NIM1K: variants seen among roughly 807,000 people sequenced by gnomAD.
The protein encoded by NIM1K is NIM1 serine/threonine protein kinase.
In NIM1K, 35 loss-of-function variants were observed where a neutral mutation model predicts 37.1. That is an observed-to-expected ratio of 0.94 (90% CI 0.72 to 1.25). The LOEUF (loss-of-function observed/expected upper bound fraction) is 1.25, where lower values mean the gene tolerates loss of function less well. Ranked by LOEUF, NIM1K falls within the 50% of genes most tolerant of loss-of-function variation. The pLI is 0.00. For synonymous variants in NIM1K, 234 were observed against 206.6 expected (o/e 1.13, Z -1.14); for missense variants, 564 against 548.0 (o/e 1.03, Z -0.29).
At chr5:43,249,712 G>A (rs1044056973) in intron 2 of NIM1K, among the ~76,000 whole-genome samples, 1 of 152,200 alleles carries the variant, frequency 6.6e-6, no homozygotes, top group Non-Finnish European at 1.5e-5. Context: ...AGGGCATGAG[G>A]TCAGACCAGG....
At chr5:43,237,827 GT>G (rs1469310006) in intron 1 of NIM1K, among the ~76,000 whole-genome samples, 1 of 152,058 alleles carries the variant, frequency 6.6e-6, no homozygotes, top group Non-Finnish European at 1.5e-5. Context: ...AGAATTCAGA[GT>G]TTTTTCTCAC....
Position 43,280,522 on chromosome 5 carries a change from A to C in NIM1K, c.1104A>C (p.Glu368Asp), listed in dbSNP as rs747707827. ...KSTLEHLGIT[E>D]EHIRNNQGRD... ...CTTTAGAACATTTGGGCATTACAGA[A>C]GAGCATATTCGAAATAACCAAGGGA... The change falls in exon 4 of 4, where the codon GAA becomes GAC. Residue 368 changes from glutamate to aspartate, a missense_variant. By Grantham distance (45) the Glu-to-Asp change is conservative. Transcript: ENST00000326035. The C allele has an allele frequency of 6.2e-7, 1 of 1,614,228 alleles. No homozygotes were observed. Among genetic ancestry groups the C allele is most frequent in the South Asian group, 1.1e-5 (1 of 91,082 alleles).
chr5:43,200,600 A>G (rs1752003548), intron 1 of NIM1K, among the ~76,000 whole-genome samples: 1 of 152,108 alleles, frequency 6.6e-6, no homozygotes, highest in African/African-American at 2.4e-5. Context: ...GCGCCCGGCC[A>G]GTAGTAGTTA....
intron 2 of NIM1K, among the ~76,000 whole-genome samples, chr5:43,268,800 A>C (rs752360683): frequency 1.6e-4 from 25 of 152,132 alleles, no homozygotes; most frequent in Non-Finnish European, 1.6e-4. Flanking sequence ...TACAAACTAA[A>C]TGTCTCCCAA....
At position 43,213,925 on chromosome 5, in the gene NIM1K, A is replaced by G. The variant is rs903304868; in HGVS notation, c.-695+21514A>G. Among the ~76,000 whole-genome samples the G allele has an allele frequency of 1.2e-4, 14 of 118,262 alleles. No homozygotes were observed. The South Asian group carries it at 1.7e-3, about 14-fold the overall frequency. The allele number at this position is 118,262 out of a possible 152,430, so 77.6% of individuals were successfully genotyped here. On this transcript the variant is annotated intron_variant, in intron 1 of 3. Transcript: ENST00000326035. ...ATTACAGGCTGGAGCCACCATGCCT[A>G]GCTCTTTCTCTCTTTCTTTCTTTCT...
chr5:43,234,224 T>A (rs569720624), intron 1 of NIM1K, among the ~76,000 whole-genome samples: 45 of 144,776 alleles, frequency 3.1e-4, no homozygotes, highest in African/African-American at 1.1e-3. Context: ...TTTACAGAGT[T>A]GTCATGTCGT....
In NIM1K at chr5:43,232,371, G is replaced by A. The variant is rs145782169; in HGVS notation, c.-694-12711G>A. On this transcript the variant is annotated intron_variant, in intron 1 of 3. Transcript: ENST00000326035. ...GATGACAGGGCATATGTGTCCAGAC[G>A]GAAGTGGATGGGGGGATAGGCCACC... 2.6e-4 allele frequency: 359 copies of A among 1,369,144 alleles called. 2 individuals carry two copies. In the African/African-American group the frequency reaches 4.6e-3, roughly 18 times the overall value. 84.8% of individuals were successfully genotyped at this position (1,369,144 alleles called of 1,614,324 possible). A position where few individuals can be genotyped will look rare whatever the true frequency, so the allele number is the denominator to read the frequency against.
At position 43,280,614 on chromosome 5, in the gene NIM1K, C is replaced by T. The variant is rs1028637827; in HGVS notation, c.1196C>T (p.Ala399Val). ...TTACATAGAGTCCAAAGGAAGAAGGCTTTGGAAAGTGTCCCAGTCATGATG... is the reference window on the plus strand; with the variant it reads ...TTACATAGAGTCCAAAGGAAGAAGGTTTTGGAAAGTGTCCCAGTCATGATG... ...IILHRVQRKK[A>V]LESVPVMMLP... The change falls in exon 4 of 4, where the codon GCT (alanine) becomes GTT (valine). Residue 399 changes from alanine to valine, a missense_variant. By Grantham distance (64) the Ala-to-Val change is moderately conservative (BLOSUM62 0). Coordinates refer to ENST00000326035, the MANE Select transcript of NIM1K (RefSeq NM_153361.4). 9 of 1,614,094 alleles carry T rather than the reference C, an allele frequency of 5.6e-6. No individual in the cohort carries two copies. The highest frequency in any genetic ancestry group is 7.6e-6 in the Non-Finnish European group (9 of 1,180,018).
intron 3 of NIM1K, among the ~76,000 whole-genome samples, chr5:43,277,602 C>A (rs1032519627): frequency 6.6e-6 from 1 of 152,112 alleles, no homozygotes; most frequent in African/African-American, 2.4e-5. Context: ...CCTGGCCATA[C>A]CCATTTCTCC....
intron 3 of NIM1K, among the ~76,000 whole-genome samples, chr5:43,279,426 CT>C (rs910040539): frequency 2.6e-5 from 4 of 152,188 alleles, no homozygotes; most frequent in Non-Finnish European, 4.4e-5. Context: ...CAAGGGTCCT[CT>C]GAAGATTGTC....
intron 1 of NIM1K, among the ~76,000 whole-genome samples, chr5:43,196,701 A>C (rs1751921075): frequency 6.6e-6 from 1 of 152,138 alleles, no homozygotes; most frequent in Non-Finnish European, 1.5e-5. Flanking sequence ...CAGTCTCCAG[A>C]GGCAATCATT....
chr5:43,229,835 C>G (rs1304403541), intron 1 of NIM1K, among the ~76,000 whole-genome samples: 1 of 152,006 alleles, frequency 6.6e-6, no homozygotes, highest in Non-Finnish European at 1.5e-5. Flanking sequence ...TGGGGTTTCA[C>G]TATGTTGGCC....
Sources: allele counts gnomAD v4.1 joint callset (sites outside exome capture counted in the v4.1 genomes callset), GRCh38; gene constraint gnomAD v4.1.1; transcripts MANE v1.5; gene names NCBI Gene and HGNC (gene_info 2026-07-23, HGNC 2026-07-21).